Variants in RGS9 observed in about 807,000 individuals in gnomAD.
RGS9 encodes the protein regulator of G-protein signalling 9.
In RGS9, 78 loss-of-function variants were observed where a neutral mutation model predicts 102.0. The observed-to-expected ratio is 0.76, with a 90% CI of 0.64 to 0.92. The LOEUF is 0.92. RGS9 is among the 40% of genes least tolerant of loss of function. The pLI is 0.00. For synonymous variants in RGS9, 353 were observed against 318.6 expected, an observed-to-expected ratio of 1.11 and a Z score of -1.15; for missense variants, 833 against 866.1, an observed-to-expected ratio of 0.96 and a Z score of 0.48.
At chr17:65,153,367 G>A (rs1469776425) in intron 1 of RGS9, 55 bp from the exon 2 acceptor site, 11 of 1,487,092 alleles carry the variant, frequency 7.4e-6, no homozygotes, top group East Asian at 4.5e-5. Context: ...AAATTGCCCT[G>A]CACAACTTTC....
At chr17:65,152,181 C>G (rs1471769731) in intron 1 of RGS9, among the ~76,000 whole-genome samples, 1 of 152,112 alleles carries the variant, frequency 6.6e-6, no homozygotes, top group Non-Finnish European at 1.5e-5. Flanking sequence ...GAGGAGGGAG[C>G]CAAGTTGGTC....
At chr17:65,160,933 G>A (rs780176951) in intron 6 of RGS9, 24 bp downstream of exon 6, 5 of 1,587,196 alleles carry the variant, frequency 3.2e-6, no homozygotes, top group African/African-American at 2.7e-5. Context: ...TTTAAGTAGA[G>A]GTTGTTATAA....
chr17:65,160,485 A>C (rs1910937865), intron 4 of RGS9, 51 bp from the exon 5 acceptor site: 2 of 1,610,386 alleles, frequency 1.2e-6, no homozygotes, highest in Admixed American at 1.7e-5. Flanking sequence ...GTTGGGGTCC[A>C]TTGAGTCACA....
At chr17:65,212,761 G>A (rs1359499711) in intron 17 of RGS9, among the ~76,000 whole-genome samples, 1 of 152,246 alleles carries the variant, frequency 6.6e-6, no homozygotes, top group East Asian at 1.9e-4. Flanking sequence ...CTCTGAAAGT[G>A]CATGGAGGGA....
At chr17:65,204,350 A>G in intron 15 of RGS9, 49 bp downstream of exon 15, 2 of 1,604,866 alleles carry the variant, frequency 1.2e-6, no homozygotes, top group African/African-American at 1.3e-5. Context: ...GCTTTCTGTC[A>G]CTAAGTACCC....
intron 1 of RGS9, among the ~76,000 whole-genome samples, chr17:65,152,837 T>C (rs761384591): frequency 6.6e-6 from 1 of 152,232 alleles, no homozygotes; most frequent in Non-Finnish European, 1.5e-5. Flanking sequence ...GTCACTGTCG[T>C]TTCTCACCTG....
intron 15 of RGS9, among the ~76,000 whole-genome samples, chr17:65,205,671 GAT>G (rs1245870841): frequency 1.3e-5 from 2 of 151,360 alleles, no homozygotes; most frequent in African/African-American, 4.8e-5. Context: ...GGCTATATGA[GAT>G]AGATTATATG....
intron 1 of RGS9, among the ~76,000 whole-genome samples, chr17:65,139,151 C>T (rs1910052415): frequency 7.2e-6 from 1 of 138,264 alleles, no homozygotes; most frequent in Non-Finnish European, 1.6e-5. Flanking sequence ...CCTCTTCCTC[C>T]ACCCTGTCTT....
At chr17:65,139,548 T>A (rs771005817) in intron 1 of RGS9, among the ~76,000 whole-genome samples, 20 of 152,056 alleles carry the variant, frequency 1.3e-4, no homozygotes, top group Non-Finnish European at 2.6e-4. Flanking sequence ...CCTTCCTTTT[T>A]AGGAACCCGG....
At chr17:65,208,611 G>A (rs1335707520) in intron 16 of RGS9, among the ~76,000 whole-genome samples, 6 of 152,106 alleles carry the variant, frequency 3.9e-5, no homozygotes, top group Admixed American at 1.3e-4. Context: ...ACTCTTTTCC[G>A]GGGGAATTCA....
chr17:65,193,307 C>T (rs374793086), intron 11 of RGS9, among the ~76,000 whole-genome samples: 3 of 150,580 alleles, frequency 2.0e-5, no homozygotes, highest in South Asian at 4.2e-4. Flanking sequence ...AGAGGAATGA[C>T]AGAGGGACTG....
At chr17:65,175,122 TGA>T (rs1217791231) in intron 8 of RGS9, among the ~76,000 whole-genome samples, 1 of 151,788 alleles carries the variant, frequency 6.6e-6, no homozygotes, top group Non-Finnish European at 1.5e-5. Flanking sequence ...TGTGTGTATG[TGA>T]GTGTGTGTGA....
At chr17:65,177,878 C>T (rs992364858) in intron 9 of RGS9, 75 bp downstream of exon 9, 20 of 1,182,426 alleles carry the variant, frequency 1.7e-5, no homozygotes, top group East Asian at 7.0e-5. Flanking sequence ...CATGTCTATT[C>T]GTGTCTGTTA....
Position 65,160,300 on chromosome 17 carries a change from T to C in RGS9, c.273T>C (p.Asn91=), listed in dbSNP as rs1221909363. ...TTTACCCCCTGCAAGACCCCAAGAATCTCATTCTCAAGCCTGATGGCAGCC... is the reference window on the plus strand; with the variant it reads ...TTTACCCCCTGCAAGACCCCAAGAACCTCATTCTCAAGCCTGATGGCAGCC... The part of the protein sequence containing the change: ...GYIYPLQDPK[N]LILKPDGSLY... The change falls in exon 4 of 19, where the codon AAT becomes AAC. Residue 91 remains asparagine (N), a synonymous_variant. Coordinates refer to ENST00000262406, the MANE Select transcript of RGS9 (RefSeq NM_003835.4). The C allele has an allele frequency of 2.5e-6, 4 of 1,614,176 alleles. No individual in the cohort carries two copies. The highest frequency in any genetic ancestry group is 3.4e-6 in the Non-Finnish European group (4 of 1,180,014).
intron 7 of RGS9, among the ~76,000 whole-genome samples, chr17:65,167,852 G>A (rs528636667): frequency 6.6e-6 from 1 of 152,230 alleles, no homozygotes; most frequent in South Asian, 2.1e-4. Context: ...TTAGACCCTG[G>A]CCAGACTCCC....
chr17:65,187,134 T>C (rs764203148), intron 9 of RGS9, among the ~76,000 whole-genome samples: 5 of 152,168 alleles, frequency 3.3e-5, no homozygotes, highest in Non-Finnish European at 7.3e-5. Flanking sequence ...AAAATGCTAT[T>C]AAGCTTAGAA....
intron 16 of RGS9, among the ~76,000 whole-genome samples, chr17:65,208,560 T>A (rs538009654): frequency 1.3e-5 from 2 of 152,152 alleles, no homozygotes; most frequent in Non-Finnish European, 2.9e-5. Context: ...GGTAGAGCCA[T>A]TGGGACAATG....
At chr17:65,183,365 C>T (rs183337630) in intron 9 of RGS9, among the ~76,000 whole-genome samples, 163 of 152,216 alleles carry the variant, frequency 1.1e-3, no homozygotes, top group South Asian at 7.3e-3. Flanking sequence ...TCGAGTGATC[C>T]GCCTGCCTTG....
chr17:65,216,491 GC>G (rs527604214), intron 17 of RGS9, among the ~76,000 whole-genome samples: 276 of 152,290 alleles, frequency 1.8e-3, no homozygotes, highest in Middle Eastern at 6.8e-3. Flanking sequence ...ACAAAAATTA[GC>G]CGGGCGTGGT....
Sources: gnomAD v4.1 joint callset for allele counts (sites outside exome capture counted in the v4.1 genomes callset) on GRCh38, gnomAD v4.1.1 for gene constraint, MANE v1.5 for transcripts, NCBI Gene and HGNC (gene_info 2026-07-23, HGNC 2026-07-21) for gene names.